Variants in BFSP2 observed in about 807,000 individuals in gnomAD.
BFSP2 encodes the protein phakinin.
BFSP2 carries 38 observed loss-of-function variants against 44.9 expected under a neutral mutation model. That is an observed-to-expected ratio of 0.85 (90% CI 0.65 to 1.11). The LOEUF is 1.11. Among genes scored for constraint, BFSP2 ranks in the 50% least tolerant of loss-of-function variants. The pLI, the probability that BFSP2 is intolerant of heterozygous loss-of-function variation, is 0.00. For synonymous variants in BFSP2, 197 were observed against 209.9 expected (o/e 0.94, Z 0.53); for missense variants, 525 against 533.0 (o/e 0.99, Z 0.15).
intron 5 of BFSP2, among the ~76,000 whole-genome samples, chr3:133,469,236 G>A (rs899738851): frequency 4.6e-5 from 7 of 152,222 alleles, no homozygotes; most frequent in Non-Finnish European, 8.8e-5. Flanking sequence ...TTGCAGCCAA[G>A]GTGAGGAGCA....
At position 133,400,598 on chromosome 3, in the gene BFSP2, C is replaced by T. The variant is rs747379751; in HGVS notation, c.489+26C>T. The stretch of plus-strand genomic sequence containing the variant: ...GTAAGTGTCCAGGCTGTGCCAAGGG[C>T]TTTGCAGAGGGCTGGGAGGGGCTGC... On this transcript the variant is annotated intron_variant, in intron 1 of 6. Transcript: ENST00000302334. The surrounding 1 kb of genome is among the most constrained non-coding windows in gnomAD (Gnocchi z 4.0). 6.4e-7 allele frequency: 1 copy of T among 1,573,046 alleles called. No individual in the cohort carries two copies. The highest frequency in any genetic ancestry group is 8.6e-7 in the Non-Finnish European group (1 of 1,159,550).
intron 1 of BFSP2, among the ~76,000 whole-genome samples, chr3:133,417,367 A>AC (rs1321469659): frequency 2.7e-4 from 4 of 14,784 alleles, no homozygotes; most frequent in African/African-American, 3.1e-4. Context: ...CCCTCTACTC[A>AC]CCCTGCCCTC....
chr3:133,426,335 G>T (rs1296381626), intron 1 of BFSP2, among the ~76,000 whole-genome samples: 3 of 152,184 alleles, frequency 2.0e-5, no homozygotes, highest in Non-Finnish European at 4.4e-5. Flanking sequence ...AAAGATGGAA[G>T]CACCTGTCAG....
chr3:133,474,909 G>T, intron 6 of BFSP2, 60 bp from the exon 7 acceptor site: 2 of 1,601,920 alleles, frequency 1.2e-6, no homozygotes, highest in Non-Finnish European at 1.7e-6. Context: ...TAATCCTATT[G>T]TGATAGAATG....
intron 4 of BFSP2, among the ~76,000 whole-genome samples, chr3:133,453,566 G>T (rs1450216010): frequency 6.6e-6 from 1 of 152,182 alleles, no homozygotes; most frequent in East Asian, 1.9e-4. Flanking sequence ...AGACTGACGT[G>T]TAAACCAAGA....
At chr3:133,462,262 T>C (rs533796831) in intron 4 of BFSP2, among the ~76,000 whole-genome samples, 1 of 152,226 alleles carries the variant, frequency 6.6e-6, no homozygotes, top group Non-Finnish European at 1.5e-5. Context: ...AAAGAGTGAA[T>C]TGGTTTAAAT....
chr3:133,400,772 A>G lies in BFSP2; in HGVS notation c.489+200A>G, dbSNP rs1440443010. The stretch of plus-strand genomic sequence containing the variant: ...AGCCCACGCTAGCCCCCATACGTGC[A>G]CTACCCACTGTCTTCTTTAAACTTC... On this transcript the variant is annotated intron_variant, in intron 1 of 6. Transcript: ENST00000302334. The surrounding 1 kb of genome is among the most constrained non-coding windows in gnomAD (Gnocchi z 4.0). 6.6e-6 allele frequency among the ~76,000 whole-genome samples: 1 copy of G among 152,238 alleles called. No homozygotes were observed. Among genetic ancestry groups the G allele is most frequent in the African/African-American group, 2.4e-5 (1 of 41,460 alleles).
chr3:133,431,637 G>C (rs991630826), intron 1 of BFSP2, among the ~76,000 whole-genome samples: 1 of 152,208 alleles, frequency 6.6e-6, no homozygotes, highest in East Asian at 1.9e-4. Context: ...AGACCATCAC[G>C]GACGCCGAGC....
At chr3:133,422,592 C>G (rs1559962783) in intron 1 of BFSP2, among the ~76,000 whole-genome samples, 4 of 152,182 alleles carry the variant, frequency 2.6e-5, no homozygotes, top group Admixed American at 1.3e-4. Context: ...GTGGATGAAG[C>G]CTATAGAAGA....
chr3:133,424,370 C>G (rs1224379110), intron 1 of BFSP2, among the ~76,000 whole-genome samples: 1 of 151,838 alleles, frequency 6.6e-6, no homozygotes, highest in African/African-American at 2.4e-5. Context: ...GCCCGGCCTT[C>G]TCTTCTACTT....
chr3:133,412,005 A>G (rs151218534), intron 1 of BFSP2, among the ~76,000 whole-genome samples: 2,013 of 152,350 alleles, frequency 0.013, 49 homozygotes, highest in African/African-American at 0.044. Flanking sequence ...AAGTATTACG[A>G]AAGTATTATT....
chr3:133,435,914 G>A lies in BFSP2; in HGVS notation c.490-11403G>A, dbSNP rs76917790. On this transcript the variant is annotated intron_variant, in intron 1 of 6. Coordinates refer to ENST00000302334, the MANE Select transcript of BFSP2 (RefSeq NM_003571.4). The stretch of plus-strand genomic sequence containing the variant: ...ACTCAAGCTTCACCACAAATTTGAT[G>A]TTTTCTCTTGCTTTAATTTTTTCTG... Among the ~76,000 whole-genome samples the A allele has an allele frequency of 2.1e-3, 326 of 152,262 alleles. 2 individuals are homozygous for A. Among genetic ancestry groups the A allele is most frequent in the African/African-American group, 7.3e-3 (305 of 41,554 alleles).
At chr3:133,435,553 T>G (rs967227790) in intron 1 of BFSP2, among the ~76,000 whole-genome samples, 1 of 152,264 alleles carries the variant, frequency 6.6e-6, no homozygotes, top group Non-Finnish European at 1.5e-5. Flanking sequence ...TTGAAAACTC[T>G]GCTCTTGTCT....
intron 1 of BFSP2, among the ~76,000 whole-genome samples, chr3:133,415,954 A>C (rs1238931764): frequency 1.6e-4 from 10 of 61,710 alleles, no homozygotes; most frequent in East Asian, 5.3e-4. Flanking sequence ...TACTCGCCTG[A>C]CCTCTCCCCT....
At chr3:133,467,726 T>C (rs916431652) in intron 5 of BFSP2, among the ~76,000 whole-genome samples, 1 of 152,200 alleles carries the variant, frequency 6.6e-6, no homozygotes, top group African/African-American at 2.4e-5. Context: ...CATCTTTTCT[T>C]AGATGTCCCC....
chr3:133,436,497 T>C (rs979657352), intron 1 of BFSP2, among the ~76,000 whole-genome samples: 30 of 152,130 alleles, frequency 2.0e-4, no homozygotes, highest in Non-Finnish European at 2.1e-4. Context: ...AAGCTCTCTC[T>C]AGTGAGGAAC....
At chr3:133,410,202 C>A (rs1450321284) in intron 1 of BFSP2, 2 of 209,642 alleles carry the variant, frequency 9.5e-6, no homozygotes. Context: ...CCTACGGTAC[C>A]ACCTATAACA....
chr3:133,414,051 A>G (rs1182412362), intron 1 of BFSP2, among the ~76,000 whole-genome samples: 1 of 85,758 alleles, frequency 1.2e-5, no homozygotes, highest in Non-Finnish European at 2.3e-5. Flanking sequence ...TCCCCTACTC[A>G]CCCCTCTACT....
intron 1 of BFSP2, among the ~76,000 whole-genome samples, chr3:133,423,562 CGGCGGG>C (rs1228359517): frequency 4.6e-4 from 6 of 13,092 alleles, no homozygotes; most frequent in Non-Finnish European, 7.8e-4. Context: ...GTGGGGGAGG[CGGCGGG>C]GGCGGGGGTA....
Sources: gnomAD v4.1 joint callset for allele counts (sites outside exome capture counted in the v4.1 genomes callset) on GRCh38, gnomAD v4.1.1 for gene constraint, Gnocchi (gnomAD v3.1) non-coding constraint, MANE v1.5 for transcripts, NCBI Gene and HGNC (gene_info 2026-07-23, HGNC 2026-07-21) for gene names.